Variants in WDR35 observed in about 807,000 individuals in gnomAD.
The protein encoded by WDR35 is WD repeat domain 35.
Under a neutral mutation model 158.3 loss-of-function variants are expected in WDR35, and 118 were observed. That is an observed-to-expected ratio of 0.75 (90% CI 0.64 to 0.87). The LOEUF (loss-of-function observed/expected upper bound fraction) is 0.87. WDR35 is among the 40% of genes least tolerant of loss of function. WDR35 has a pLI of 0.00. For missense variants in WDR35, 1,263 were observed against 1,405.8 expected (o/e 0.90, Z 1.62); for synonymous variants, 448 against 476.1 (o/e 0.94, Z 0.77).
chr2:19,925,169 G>A (rs1362946124), intron 25 of WDR35, among the ~76,000 whole-genome samples: 9 of 152,198 alleles, frequency 5.9e-5, no homozygotes, highest in African/African-American at 2.2e-4. Flanking sequence ...GTGGACCCTT[G>A]CCAGTGGGGA....
rs190463759 is a variant in WDR35 at position 19,953,683 on chromosome 2, C to G, written c.1400+151G>C. On this transcript the variant is annotated intron_variant, in intron 12 of 26. Coordinates refer to ENST00000281405, the MANE Select transcript of WDR35 (RefSeq NM_020779.4). Reference sequence around the variant, plus strand: ...TCTCTTTTATTTTAATAAATTTAAACACATAAATTTTAAAGATAATCAAAT... The same window carrying G: ...TCTCTTTTATTTTAATAAATTTAAAGACATAAATTTTAAAGATAATCAAAT... 4.2e-3 allele frequency: 4,261 copies of G among 1,004,928 alleles called. 11 individuals carry two copies. Among genetic ancestry groups the G allele is most frequent in the Non-Finnish European group, 5.5e-3 (3,755 of 682,494 alleles). 62.3% of individuals were successfully genotyped at this position (1,004,928 alleles called of 1,614,324 possible). A position where few individuals can be genotyped will look rare whatever the true frequency, so the allele number is the denominator to read the frequency against.
At chr2:19,951,512 A>T in intron 12 of WDR35, 28 bp from the exon 13 acceptor site, 2 of 1,556,032 alleles carry the variant, frequency 1.3e-6, no homozygotes, top group Non-Finnish European at 1.8e-6. Context: ...ATTTCAAAGA[A>T]AGTTTAAGTA....
In WDR35 at chr2:19,974,579, C is replaced by T; in HGVS notation, c.625G>A (p.Gly209Arg). Residue 209 changes from glycine (G) to arginine (R), a missense_variant, in exon 7 of 27, where the codon GGA (glycine) becomes AGA (arginine). Coordinates refer to ENST00000281405, the MANE Select transcript of WDR35 (RefSeq NM_020779.4). ...VNVTGAISIA[G>R]IHWYHGTEGY... ...TCTGTGCCATGGTACCAATGAATTC[C>T]AGCAATGCTGATAGCTCCAGTGACA... 6.2e-7 allele frequency: 1 copy of T among 1,613,560 alleles called. No homozygotes were observed. The highest frequency in any genetic ancestry group is 8.5e-7 in the Non-Finnish European group (1 of 1,179,808).
Position 19,951,468 on chromosome 2 carries a change from C to A in WDR35, c.1417G>T (p.Asp473Tyr), listed in dbSNP as rs1233612855. The change falls in exon 13 of 27, where the codon GAT (aspartate) becomes TAT (tyrosine). Residue 473 changes from aspartate (D) to tyrosine (Y), a missense_variant. By Grantham distance (160) the Asp-to-Tyr change is radical. Transcript: ENST00000281405. Reference protein sequence around the residue: ...EGRERIYHVDDTPSGSMDGVL... With the variant: ...EGRERIYHVDYTPSGSMDGVL... ...CCATCCATTGATCCAGAAGGGGTAT[C>A]ATCAACATGATAAATTCTGCAAAAA... 6.2e-7 allele frequency: 1 copy of A among 1,611,018 alleles called. No homozygotes were observed.
At chr2:19,918,466 C>T (rs567377605) in intron 25 of WDR35, among the ~76,000 whole-genome samples, 18 of 152,238 alleles carry the variant, frequency 1.2e-4, no homozygotes, top group African/African-American at 1.9e-4. Context: ...TAGTCAAGAC[C>T]TATTGGTGTG....
At chr2:19,962,197 G>A in intron 10 of WDR35, 2 of 1,280,220 alleles carry the variant, frequency 1.6e-6, no homozygotes, top group Non-Finnish European at 2.2e-6. Context: ...TGAACCTTCT[G>A]AAGTCCCCTC....
intron 25 of WDR35, among the ~76,000 whole-genome samples, chr2:19,915,899 C>A (rs1009711654): frequency 2.1e-5 from 3 of 140,504 alleles, no homozygotes; most frequent in Non-Finnish European, 4.5e-5. Flanking sequence ...CTAGCCAGGG[C>A]AACAGAGCGA....
intron 11 of WDR35, among the ~76,000 whole-genome samples, chr2:19,954,884 G>A (rs906453419): frequency 1.3e-5 from 2 of 152,074 alleles, no homozygotes; most frequent in African/African-American, 2.4e-5. Flanking sequence ...ATGATCAAAA[G>A]TAGAAACAAC....
chr2:19,961,608 G>C (rs1292869231), intron 10 of WDR35, among the ~76,000 whole-genome samples: 1 of 152,212 alleles, frequency 6.6e-6, no homozygotes, highest in African/African-American at 2.4e-5. Context: ...TGAATGCAAA[G>C]CACAATCAAA....
chr2:19,979,803 ACACT>A (rs913884332), intron 4 of WDR35, among the ~76,000 whole-genome samples: 8 of 150,178 alleles, frequency 5.3e-5, no homozygotes, highest in African/African-American at 1.0e-4. Flanking sequence ...ACACACACAC[ACACT>A]TTTTAAAAAA....
chr2:19,966,905 C>A lies in WDR35; in HGVS notation c.1013G>T (p.Gly338Val). Residue 338 changes from glycine to valine, a missense_variant, in exon 10 of 27, where the codon GGT (glycine) becomes GTT (valine). By Grantham distance (109) the Gly-to-Val change is moderately radical (BLOSUM62 -3). Coordinates refer to ENST00000281405, the MANE Select transcript of WDR35 (RefSeq NM_020779.4). ...FANIRPNYKW[G>V]YCSNTVVYAY... ...ATAAACTACAGTGTTTGAGCAATAA[C>A]CCCACTAGGAAGAAAGGAAGGAGGA... is the stretch of plus-strand genomic sequence containing the variant. 3 of 1,613,448 alleles carry A rather than the reference C, an allele frequency of 1.9e-6. No homozygotes were observed. The highest frequency in any genetic ancestry group is 2.5e-6 in the Non-Finnish European group (3 of 1,179,754).
chr2:19,932,552 A>T, intron 22 of WDR35, 105 bp from the exon 23 acceptor site: 2 of 1,424,772 alleles, frequency 1.4e-6, no homozygotes, highest in Non-Finnish European at 1.9e-6. Flanking sequence ...CACTATTTCA[A>T]AATTAAAAAC....
intron 17 of WDR35, among the ~76,000 whole-genome samples, chr2:19,938,952 GC>G (rs536366655): frequency 6.4e-4 from 98 of 152,204 alleles, no homozygotes; most frequent in African/African-American, 2.1e-3. Context: ...ATTAATAGTT[GC>G]TGAATTAATG....
In WDR35 at chr2:19,930,561, A is replaced by G; in HGVS notation, c.2965-9T>C. ...GCCAAGGCAGAAGTGGCCTACGAGTAAAGTCAGCCCACACTTTCCGTCAGC... is the reference window on the plus strand; with the variant it reads ...GCCAAGGCAGAAGTGGCCTACGAGTGAAGTCAGCCCACACTTTCCGTCAGC... On this transcript the variant is annotated splice_polypyrimidine_tract_variant and intron_variant, in intron 24 of 26. Coordinates refer to ENST00000281405, the MANE Select transcript of WDR35 (RefSeq NM_020779.4). The G allele has an allele frequency of 6.2e-7, 1 of 1,613,896 alleles. No homozygotes were observed. Among genetic ancestry groups the G allele is most frequent in the Non-Finnish European group, 8.5e-7 (1 of 1,180,008 alleles).
chr2:19,971,920 ATTTCC>A (rs1036039073), intron 8 of WDR35, among the ~76,000 whole-genome samples: 1 of 152,190 alleles, frequency 6.6e-6, no homozygotes, highest in Admixed American at 6.5e-5. Flanking sequence ...ACCATGACGT[ATTTCC>A]TTTATTTCTG....
At chr2:19,941,969 C>G in intron 16 of WDR35, 130 bp from the exon 17 acceptor site, 1 of 634,380 alleles carries the variant, frequency 1.6e-6, no homozygotes, top group Non-Finnish European at 2.8e-6. Context: ...CACCCATATA[C>G]CCATAACCTA....
intron 2 of WDR35, among the ~76,000 whole-genome samples, chr2:19,985,393 A>G (rs1415526621): frequency 4.6e-5 from 7 of 151,534 alleles, no homozygotes; most frequent in Admixed American, 4.6e-4. Flanking sequence ...AAGCAGCTCC[A>G]ACCCAGGACC....
chr2:19,932,260 A>G (rs2103398231), intron 23 of WDR35, 23 bp downstream of exon 23: 2 of 1,612,724 alleles, frequency 1.2e-6, no homozygotes, highest in Non-Finnish European at 1.7e-6. Context: ...CAAATCAACT[A>G]TTCACCAAGA....
chr2:19,946,032 A>T (rs1239772346), intron 15 of WDR35, 36 bp from the exon 16 acceptor site: 1 of 1,590,220 alleles, frequency 6.3e-7, no homozygotes, highest in Non-Finnish European at 8.6e-7. Context: ...GGAAAAAACT[A>T]TAAAATTACT....
Sources: allele counts gnomAD v4.1 joint callset (sites outside exome capture counted in the v4.1 genomes callset), GRCh38; gene constraint gnomAD v4.1.1; transcripts MANE v1.5; gene names NCBI Gene and HGNC (gene_info 2026-07-23, HGNC 2026-07-21).